LRRC8C: variants seen among roughly 807,000 people sequenced by gnomAD.
LRRC8C encodes leucine rich repeat containing 8 VRAC subunit C.
LRRC8C carries 20 observed loss-of-function variants against 55.3 expected under a neutral mutation model. The ratio of observed to expected loss-of-function variants is 0.36; its 90% CI spans 0.25 to 0.53. The LOEUF is 0.53. Ranked by LOEUF, LRRC8C falls within the 20% of genes least tolerant of loss-of-function variation. The pLI, the probability that LRRC8C is intolerant of heterozygous loss-of-function variation, is 0.92. For missense variants in LRRC8C, 659 were observed against 951.4 expected (o/e 0.69, Z 4.04); for synonymous variants, 376 against 360.7 (o/e 1.04, Z -0.48).
In LRRC8C at chr1:89,716,172, T is replaced by C. The variant is rs1273101000; in HGVS notation, c.*1190T>C. Reference sequence around the variant, plus strand: ...ATAGGATTTACATTGTTTTAGGTATTATAAATTACCTAGAGATGATTTAAA... The same window carrying C: ...ATAGGATTTACATTGTTTTAGGTATCATAAATTACCTAGAGATGATTTAAA... On this transcript the variant is annotated 3_prime_UTR_variant, in exon 3 of 3. Coordinates refer to ENST00000370454, the MANE Select transcript of LRRC8C (RefSeq NM_032270.5). The C allele has an allele frequency of 6.6e-6, 1 of 152,212 alleles. No homozygotes were observed. The highest frequency in any genetic ancestry group is 1.9e-4 in the East Asian group (1 of 5,192). 9.4% of individuals were successfully genotyped at this position (152,212 alleles called of 1,614,324 possible). A position where few individuals can be genotyped will look rare whatever the true frequency, so the allele number is the denominator to read the frequency against.
At chr1:89,655,542 T>C (rs946610390) in intron 1 of LRRC8C, among the ~76,000 whole-genome samples, 33 of 152,222 alleles carry the variant, frequency 2.2e-4, no homozygotes, top group Non-Finnish European at 4.6e-4. Flanking sequence ...TCATAATGAA[T>C]ATAAAATTTT....
At chr1:89,663,755 G>T (rs897063524) in intron 1 of LRRC8C, among the ~76,000 whole-genome samples, 1 of 152,110 alleles carries the variant, frequency 6.6e-6, no homozygotes, top group Non-Finnish European at 1.5e-5. Context: ...CAGTGTAAAA[G>T]CGTTCCTGTT....
the LRRC8C span, among the ~76,000 whole-genome samples, chr1:89,623,417 G>A: frequency 8.3e-4 from 127 of 152,210 alleles, 2 homozygotes; most frequent in Admixed American, 7.0e-3. Context: ...AAGGATGGAA[G>A]GCTATCATAA....
At chr1:89,704,020 G>A (rs865848316) in intron 2 of LRRC8C, among the ~76,000 whole-genome samples, 6 of 152,002 alleles carry the variant, frequency 3.9e-5, no homozygotes, top group African/African-American at 1.5e-4. Flanking sequence ...AAAAAAGCTG[G>A]TAGCGTAATG....
intron 2 of LRRC8C, among the ~76,000 whole-genome samples, chr1:89,694,924 CTTTTTTTT>C (rs113354519): frequency 7.8e-6 from 1 of 128,288 alleles, no homozygotes; most frequent in Non-Finnish European, 1.7e-5. Context: ...AGTATAAAGA[CTTTTTTTT>C]TTTTTTTTTG....
the LRRC8C span, among the ~76,000 whole-genome samples, chr1:89,624,595 T>C: frequency 3.0e-4 from 46 of 152,222 alleles, no homozygotes; most frequent in African/African-American, 9.9e-4. Context: ...TTATGACTGA[T>C]GTTTGTAAGG....
intron 1 of LRRC8C, among the ~76,000 whole-genome samples, chr1:89,650,377 T>TGCTA (rs1656729240): frequency 6.6e-6 from 1 of 152,150 alleles, no homozygotes; most frequent in Non-Finnish European, 1.5e-5. Flanking sequence ...AGAATAACAT[T>TGCTA]GCTAGATATA....
chr1:89,700,095 T>C (rs1051141301), intron 2 of LRRC8C, among the ~76,000 whole-genome samples: 1 of 152,200 alleles, frequency 6.6e-6, no homozygotes, highest in Admixed American at 6.5e-5. Context: ...TTCCTTTCCC[T>C]TCTATTTCTA....
intron 1 of LRRC8C, among the ~76,000 whole-genome samples, chr1:89,663,339 G>T (rs1179695645): frequency 6.6e-6 from 1 of 152,094 alleles, no homozygotes; most frequent in East Asian, 1.9e-4. Flanking sequence ...GGGAGGCAGA[G>T]GCGGGCGGAT....
At chr1:89,679,940 C>A (rs915823365) in intron 1 of LRRC8C, among the ~76,000 whole-genome samples, 6 of 151,982 alleles carry the variant, frequency 3.9e-5, no homozygotes, top group African/African-American at 1.2e-4. Flanking sequence ...ATAAATAGAG[C>A]AGAATACATT....
chr1:89,661,378 G>A, intron 1 of LRRC8C: 2 of 331,570 alleles, frequency 6.0e-6, no homozygotes, highest in South Asian at 3.1e-5. Context: ...TGCTGCTCCA[G>A]TACCTCCAGC....
chr1:89,667,211 A>G (rs1314266685), intron 1 of LRRC8C, among the ~76,000 whole-genome samples: 1 of 152,082 alleles, frequency 6.6e-6, no homozygotes, highest in Non-Finnish European at 1.5e-5. Flanking sequence ...ATCACTTTTT[A>G]TAACCCTAAT....
intron 2 of LRRC8C, among the ~76,000 whole-genome samples, chr1:89,701,733 C>A (rs1658332264): frequency 6.6e-6 from 1 of 152,022 alleles, no homozygotes. Context: ...ACAGGTGTTA[C>A]AATTCAAAAC....
chr1:89,653,496 T>C (rs766116609), intron 1 of LRRC8C, among the ~76,000 whole-genome samples: 26 of 152,138 alleles, frequency 1.7e-4, no homozygotes, highest in Non-Finnish European at 2.5e-4. Flanking sequence ...CTTGTGAAAA[T>C]AGTTTTGACC....
At chr1:89,666,140 A>T (rs1657254934) in intron 1 of LRRC8C, among the ~76,000 whole-genome samples, 1 of 152,202 alleles carries the variant, frequency 6.6e-6, no homozygotes, top group African/African-American at 2.4e-5. Context: ...ATTAAGCAAC[A>T]TATGACTGCA....
At chr1:89,642,986 C>G (rs1251013036) in intron 1 of LRRC8C, among the ~76,000 whole-genome samples, 1 of 144,500 alleles carries the variant, frequency 6.9e-6, no homozygotes, top group Non-Finnish European at 1.5e-5. Context: ...CCACTGCACT[C>G]TAACCTGGGT....
chr1:89,680,097 G>A (rs1281136762), intron 1 of LRRC8C, among the ~76,000 whole-genome samples: 1 of 140,532 alleles, frequency 7.1e-6, no homozygotes, highest in Non-Finnish European at 1.5e-5. Flanking sequence ...TTTTTGAGAT[G>A]GAGTCTCGCT....
chr1:89,698,973 T>C (rs1209818745), intron 2 of LRRC8C, among the ~76,000 whole-genome samples: 1 of 148,888 alleles, frequency 6.7e-6, no homozygotes, highest in African/African-American at 2.5e-5. Context: ...GTCCCGAAGG[T>C]GGAAAAAAAA....
At chr1:89,627,753 G>T in the LRRC8C span, among the ~76,000 whole-genome samples, 1 of 152,018 alleles carries the variant, frequency 6.6e-6, no homozygotes, top group Admixed American at 6.6e-5. Context: ...ATTACAATGG[G>T]CCTCTGTTTT....
Sources: gnomAD v4.1 joint callset for allele counts (sites outside exome capture counted in the v4.1 genomes callset) on GRCh38, gnomAD v4.1.1 for gene constraint, MANE v1.5 for transcripts, NCBI Gene and HGNC (gene_info 2026-07-23, HGNC 2026-07-21) for gene names.